The following PIK3C2G variants were observed in gnomAD, a reference collection of about 807,000 sequenced individuals.
PIK3C2G encodes phosphatidylinositol 3-kinase C2 domain-containing subunit gamma.
A neutral mutation model predicts 181.1 loss-of-function variants in PIK3C2G; 168 were observed. The observed-to-expected ratio is 0.93, with a 90% confidence interval of 0.82 to 1.05. The LOEUF is 1.05. Ranked by LOEUF, PIK3C2G falls within the 50% of genes least tolerant of loss-of-function variation. The probability of loss-of-function intolerance (pLI) is 0.00; values close to 1 mark genes in which losing one functional copy is unlikely to be tolerated. For missense variants in PIK3C2G, 1,869 were observed against 1,732.8 expected (o/e 1.08, Z -1.40); for synonymous variants, 573 against 592.2 (o/e 0.97, Z 0.47).
At chr12:18,305,648 A>G (rs948724156) in intron 5 of PIK3C2G, among the ~76,000 whole-genome samples, 26 of 152,242 alleles carry the variant, frequency 1.7e-4, no homozygotes, top group Non-Finnish European at 1.6e-4. Flanking sequence ...TTTTTGAATT[A>G]CATATTTCTT....
At chr12:18,385,608 G>T (rs556791844) in intron 14 of PIK3C2G, among the ~76,000 whole-genome samples, 1 of 151,798 alleles carries the variant, frequency 6.6e-6, no homozygotes, top group Non-Finnish European at 1.5e-5. Context: ...TCACTCTGTC[G>T]CCCAGGCTGG....
chr12:18,258,110 A>G (rs1948166447), upstream of PIK3C2G, among the ~76,000 whole-genome samples: 1 of 152,162 alleles, frequency 6.6e-6, no homozygotes, highest in Admixed American at 6.5e-5. Context: ...AGAAGAGCAT[A>G]TATTATTAAA....
At chr12:18,638,531 G>C (rs1358792043) in intron 31 of PIK3C2G, among the ~76,000 whole-genome samples, 1 of 152,130 alleles carries the variant, frequency 6.6e-6, no homozygotes, top group East Asian at 1.9e-4. Context: ...TTCAACCAGT[G>C]TCAAGCTGAG....
chr12:18,469,985 A>G (rs1435276750), intron 18 of PIK3C2G, among the ~76,000 whole-genome samples: 1 of 150,454 alleles, frequency 6.6e-6, no homozygotes, highest in Non-Finnish European at 1.5e-5. Flanking sequence ...CATAGGCTTT[A>G]GAGTCATATC....
chr12:18,661,869 G>A, the PIK3C2G span, among the ~76,000 whole-genome samples: 1 of 152,078 alleles, frequency 6.6e-6, no homozygotes, highest in Non-Finnish European at 1.5e-5. Context: ...CAACCTATGT[G>A]CCCATCAACA....
the PIK3C2G span, among the ~76,000 whole-genome samples, chr12:18,669,689 G>A: frequency 4.6e-5 from 7 of 151,330 alleles, no homozygotes; most frequent in African/African-American, 7.3e-5. Flanking sequence ...ACAGATTCTC[G>A]CTCTGTCACC....
intron 26 of PIK3C2G, among the ~76,000 whole-genome samples, chr12:18,557,090 A>G (rs903496415): frequency 4.1e-4 from 63 of 152,294 alleles, no homozygotes; most frequent in South Asian, 1.2e-3. Context: ...ATTACATTCA[A>G]CATCCATTCC....
intron 16 of PIK3C2G, among the ~76,000 whole-genome samples, chr12:18,404,157 C>G (rs897095412): frequency 6.6e-6 from 1 of 151,994 alleles, no homozygotes; most frequent in African/African-American, 2.4e-5. Context: ...TTTTTTTTCT[C>G]CAAACCATTG....
intron 26 of PIK3C2G, among the ~76,000 whole-genome samples, chr12:18,561,309 A>G (rs977083437): frequency 4.6e-5 from 7 of 152,170 alleles, no homozygotes; most frequent in Non-Finnish European, 8.8e-5. Context: ...ATCGTAGGTC[A>G]ATAAAAAAAT....
At chr12:18,614,558 T>G (rs1948503033) in intron 31 of PIK3C2G, among the ~76,000 whole-genome samples, 1 of 152,108 alleles carries the variant, frequency 6.6e-6, no homozygotes, top group Non-Finnish European at 1.5e-5. Context: ...TGAGGCTTCC[T>G]TGGCTCTTGT....
intron 15 of PIK3C2G, among the ~76,000 whole-genome samples, chr12:18,397,370 C>T (rs1943959982): frequency 6.6e-6 from 1 of 151,974 alleles, no homozygotes; most frequent in Non-Finnish European, 1.5e-5. Context: ...AGGCAAGCCA[C>T]ATTCTGAGAA....
At chr12:18,592,462 A>G (rs1947135145) in intron 29 of PIK3C2G, among the ~76,000 whole-genome samples, 1 of 151,922 alleles carries the variant, frequency 6.6e-6, no homozygotes, top group South Asian at 2.1e-4. Flanking sequence ...TGAAATATAT[A>G]TGTATGTAGT....
At chr12:18,619,138 AAAC>A in intron 31 of PIK3C2G, among the ~76,000 whole-genome samples, 1 of 151,754 alleles carries the variant, frequency 6.6e-6, no homozygotes, top group East Asian at 1.9e-4. Flanking sequence ...TGAAAACTAA[AAAC>A]AATCTAAAAA....
upstream of PIK3C2G, among the ~76,000 whole-genome samples, chr12:18,257,312 C>A (rs1465128730): frequency 2.0e-5 from 3 of 152,080 alleles, no homozygotes; most frequent in Non-Finnish European, 2.9e-5. Context: ...AGAAACAAAT[C>A]TAAATATTTA....
intron 31 of PIK3C2G, among the ~76,000 whole-genome samples, chr12:18,639,644 T>C (rs191483799): frequency 2.6e-5 from 4 of 152,266 alleles, no homozygotes; most frequent in Admixed American, 6.5e-5. Context: ...CTTCAAATGA[T>C]CTATTTAGAA....
chr12:18,522,130 C>T (rs1045729192), intron 24 of PIK3C2G, among the ~76,000 whole-genome samples: 2 of 152,210 alleles, frequency 1.3e-5, no homozygotes, highest in Non-Finnish European at 2.9e-5. Context: ...AGGATTTGCA[C>T]ACTGTTATGG....
At chr12:18,712,678 A>G in the PIK3C2G span, among the ~76,000 whole-genome samples, 1 of 152,188 alleles carries the variant, frequency 6.6e-6, no homozygotes, top group African/African-American at 2.4e-5. Flanking sequence ...TGATAAATCT[A>G]CCTTTAACTA....
At chr12:18,546,888 C>G (rs1944459213) in intron 26 of PIK3C2G, among the ~76,000 whole-genome samples, 1 of 151,928 alleles carries the variant, frequency 6.6e-6, no homozygotes, top group South Asian at 2.1e-4. Flanking sequence ...ACAAGTCCAG[C>G]AAAACACTGA....
At chr12:18,465,882 T>G (rs2135955524) in intron 18 of PIK3C2G, among the ~76,000 whole-genome samples, 1 of 151,852 alleles carries the variant, frequency 6.6e-6, no homozygotes, top group Non-Finnish European at 1.5e-5. Context: ...ATTTCCCTGT[T>G]CTGCTTCTGG....
Sources: allele counts gnomAD v4.1 joint callset (sites outside exome capture counted in the v4.1 genomes callset), GRCh38; gene constraint gnomAD v4.1.1; transcripts MANE v1.5; gene names NCBI Gene and HGNC (gene_info 2026-07-23, HGNC 2026-07-21).